Variants in VIPR2 observed in about 807,000 individuals in gnomAD.
VIPR2 encodes vasoactive intestinal polypeptide receptor 2.
In VIPR2, 48 loss-of-function variants were observed where a neutral mutation model predicts 58.0. That is an observed-to-expected ratio of 0.83 (90% CI 0.66 to 1.05). The LOEUF is 1.05. Among genes scored for constraint, VIPR2 ranks in the 50% least tolerant of loss-of-function variants. VIPR2 has a pLI of 0.00. For missense variants in VIPR2, 534 were observed against 558.0 expected, an observed-to-expected ratio of 0.96 and a Z score of 0.43; for synonymous variants, 243 against 235.2, an observed-to-expected ratio of 1.03 and a Z score of -0.30.
In VIPR2 at chr7:159,040,954, G is replaced by A. The variant is rs2730256; in HGVS notation, c.597+2081C>T. On this transcript the variant is annotated intron_variant, in intron 6 of 12. Transcript: ENST00000262178. ...TTCCCCTTGCTGGTACTAGAGTCAC[G>A]GGGCATCTGGCACAAGGGGCAAAGC... 6.3e-3 allele frequency among the ~76,000 whole-genome samples: 953 copies of A among 152,198 alleles called. 7 individuals are homozygous for A. The highest frequency in any genetic ancestry group is 0.012 in the Non-Finnish European group (787 of 68,012).
intron 2 of VIPR2, among the ~76,000 whole-genome samples, chr7:159,110,462 C>A (rs1795953540): frequency 1.3e-5 from 2 of 152,084 alleles, no homozygotes; most frequent in Non-Finnish European, 2.9e-5. Flanking sequence ...TCTTAATAAC[C>A]ACCTGGTGAA....
rs542820240 is a variant in VIPR2, at chr7:159,037,196, C to T, written c.598-294G>A. On this transcript the variant is annotated intron_variant, in intron 6 of 12. Coordinates refer to ENST00000262178, the MANE Select transcript of VIPR2 (RefSeq NM_003382.5). ...CACTGCTGGAGGGTCCTAGACAGGCCGCACAGCTCCCTGGCCCTCCCGTTC... is the reference window on the plus strand; with the variant it reads ...CACTGCTGGAGGGTCCTAGACAGGCTGCACAGCTCCCTGGCCCTCCCGTTC... 6.9e-4 allele frequency among the ~76,000 whole-genome samples: 105 copies of T among 152,344 alleles called. 1 individual carries two copies. The highest frequency in any genetic ancestry group is 2.1e-3 in the African/African-American group (89 of 41,580).
chr7:159,059,950 C>A (rs1855541825), intron 4 of VIPR2, among the ~76,000 whole-genome samples: 1 of 151,360 alleles, frequency 6.6e-6, no homozygotes, highest in African/African-American at 2.4e-5. Flanking sequence ...CACCATCTCA[C>A]TTCACCTAAC....
At chr7:159,070,732 G>A (rs956391248) in intron 4 of VIPR2, among the ~76,000 whole-genome samples, 2 of 152,242 alleles carry the variant, frequency 1.3e-5, no homozygotes, top group African/African-American at 4.8e-5. Context: ...TTCACTAGAA[G>A]AATAGAAAGG....
chr7:159,126,008 T>C (rs1221232483), intron 2 of VIPR2, among the ~76,000 whole-genome samples: 1 of 152,156 alleles, frequency 6.6e-6, no homozygotes, highest in Non-Finnish European at 1.5e-5. Flanking sequence ...AGCTCCAGAA[T>C]GAAGCTGATG....
intron 4 of VIPR2, among the ~76,000 whole-genome samples, chr7:159,087,163 A>C (rs185800793): frequency 6.7e-6 from 1 of 149,632 alleles, no homozygotes; most frequent in African/African-American, 2.5e-5. Context: ...GCTTCCCAAC[A>C]AACAATACCC....
In VIPR2 at chr7:159,036,822, G is replaced by A. The variant is rs201210089; in HGVS notation, c.678C>T (p.Tyr226=). The A allele has an allele frequency of 4.3e-6, 7 of 1,614,016 alleles. No individual in the cohort carries two copies. The East Asian group carries it at 1.3e-4, about 31-fold the overall frequency. Residue 226 remains tyrosine, a synonymous_variant, in exon 7 of 13, where the codon TAC becomes TAT. Transcript: ENST00000262178. Reference sequence around the variant, plus strand: ...GCATGGCCACCAGGAGGGTGTGGAGGTAGAGCCCCTCCACCAGCAGCCAGA... The same window carrying A: ...GCATGGCCACCAGGAGGGTGTGGAGATAGAGCCCCTCCACCAGCAGCCAGA... ...NFFWLLVEGL[Y]LHTLLVAMLP...
intron 3 of VIPR2, among the ~76,000 whole-genome samples, 179 bp from the exon 4 acceptor site, chr7:159,104,033 C>T (rs117719732): frequency 0.016 from 2,478 of 152,302 alleles, 63 homozygotes; most frequent in Admixed American, 0.057. Flanking sequence ...GTGACCTGGA[C>T]AGCAGGTCAC....
chr7:159,120,756 T>C (rs1027845227), intron 2 of VIPR2, among the ~76,000 whole-genome samples: 2 of 152,298 alleles, frequency 1.3e-5, no homozygotes, highest in South Asian at 2.1e-4. Context: ...ACCCTATTTA[T>C]GACGGGTAAG....
At chr7:159,104,862 A>G (rs1235143400) in intron 3 of VIPR2, among the ~76,000 whole-genome samples, 1 of 133,078 alleles carries the variant, frequency 7.5e-6, no homozygotes, top group African/African-American at 3.0e-5. Context: ...CCTCACCACC[A>G]ACGGTGACCT....
chr7:159,084,392 G>A (rs997332462), intron 4 of VIPR2, among the ~76,000 whole-genome samples: 2 of 152,248 alleles, frequency 1.3e-5, no homozygotes, highest in Non-Finnish European at 2.9e-5. Flanking sequence ...AGGTGAGACA[G>A]GAACAGCGTG....
chr7:159,047,009 T>A (rs187774548), intron 5 of VIPR2, among the ~76,000 whole-genome samples: 23 of 152,246 alleles, frequency 1.5e-4, no homozygotes, highest in Admixed American at 1.2e-3. Flanking sequence ...CCGAGGCACG[T>A]GGATCACCTG....
chr7:159,144,583 G>A (rs980993527), intron 1 of VIPR2, 138 bp downstream of exon 1: 72 of 1,402,276 alleles, frequency 5.1e-5, no homozygotes, highest in Non-Finnish European at 6.3e-5. Flanking sequence ...GACCCCGGGC[G>A]ACCCCGCTCC....
chr7:159,083,666 A>C (rs1304087595), intron 4 of VIPR2, among the ~76,000 whole-genome samples: 1 of 152,188 alleles, frequency 6.6e-6, no homozygotes, highest in Non-Finnish European at 1.5e-5. Context: ...CGTTCTCTCG[A>C]GAGAGGCCAG....
rs1472822290 is a variant in VIPR2, at chr7:159,093,601, G to A, written c.357+10156C>T. ...AGCGCTGGGCTCAGGATCCGAGATG[G>A]GAGCGAGGAGCTGTTCCACCCACAA... On this transcript the variant is annotated intron_variant, in intron 4 of 12. Transcript: ENST00000262178. This position sits in a 1 kb window ranked among gnomAD's most constrained non-coding sequence, Gnocchi z 6.7. Among the ~76,000 whole-genome samples the A allele has an allele frequency of 2.6e-5, 4 of 152,208 alleles. No homozygotes were observed. The highest frequency in any genetic ancestry group is 5.9e-5 in the Non-Finnish European group (4 of 68,042).
intron 3 of VIPR2, among the ~76,000 whole-genome samples, chr7:159,105,471 C>A (rs1244768216): frequency 6.6e-6 from 1 of 152,214 alleles, no homozygotes; most frequent in Non-Finnish European, 1.5e-5. Flanking sequence ...TTTGAAGACT[C>A]AGTAGTTTGA....
intron 4 of VIPR2, among the ~76,000 whole-genome samples, chr7:159,062,214 A>T (rs1233641031): frequency 6.6e-6 from 1 of 152,162 alleles, no homozygotes; most frequent in Non-Finnish European, 1.5e-5. Flanking sequence ...GTTCAGCCTG[A>T]GCCCCGGCAA....
At chr7:159,055,278 C>T (rs542648122) in intron 5 of VIPR2, among the ~76,000 whole-genome samples, 1 of 152,166 alleles carries the variant, frequency 6.6e-6, no homozygotes, top group Non-Finnish European at 1.5e-5. Flanking sequence ...GGTGCCAGAA[C>T]TCTGAATAAC....
At chr7:159,045,943 G>A (rs1253702949) in intron 5 of VIPR2, among the ~76,000 whole-genome samples, 1 of 149,312 alleles carries the variant, frequency 6.7e-6, no homozygotes, top group African/African-American at 2.5e-5. Flanking sequence ...TTAGAAAATG[G>A]GCAAAAACTC....
Sources: gnomAD v4.1 joint callset for allele counts (sites outside exome capture counted in the v4.1 genomes callset) on GRCh38, gnomAD v4.1.1 for gene constraint, Gnocchi (gnomAD v3.1) non-coding constraint, MANE v1.5 for transcripts, NCBI Gene and HGNC (gene_info 2026-07-23, HGNC 2026-07-21) for gene names.